The following ERCC6L2 variants were observed in gnomAD, a reference collection of about 807,000 sequenced individuals.
The protein encoded by ERCC6L2 is DNA excision repair protein ERCC-6-like 2.
A neutral mutation model predicts 132.0 loss-of-function variants in ERCC6L2; 77 were observed. The ratio of observed to expected loss-of-function variants is 0.58; its 90% confidence interval spans 0.49 to 0.71. ERCC6L2 has a LOEUF of 0.71. Among genes scored for constraint, ERCC6L2 ranks in the 30% least tolerant of loss-of-function variants. The probability of loss-of-function intolerance (pLI) is 0.00; values close to 1 mark genes in which losing one functional copy is unlikely to be tolerated. For missense variants in ERCC6L2, 1,542 were observed against 1,837.6 expected, an observed-to-expected ratio of 0.84 and a Z score of 2.94; for synonymous variants, 583 against 632.4, an observed-to-expected ratio of 0.92 and a Z score of 1.17.
intron 19 of ERCC6L2, among the ~76,000 whole-genome samples, chr9:96,030,314 C>G (rs1390373482): frequency 6.6e-6 from 1 of 152,120 alleles, no homozygotes; most frequent in African/African-American, 2.4e-5. Flanking sequence ...CAGCCAGCAG[C>G]GGCAACACGC....
intron 4 of ERCC6L2, among the ~76,000 whole-genome samples, chr9:95,909,987 G>C (rs140933427): frequency 2.7e-4 from 41 of 152,292 alleles, no homozygotes; most frequent in African/African-American, 9.4e-4. Context: ...ATGTGTAGTA[G>C]TATCTTGTAG....
chr9:96,034,534 T>A (rs1220041370), intron 19 of ERCC6L2, among the ~76,000 whole-genome samples: 5 of 152,200 alleles, frequency 3.3e-5, no homozygotes, highest in African/African-American at 9.7e-5. Flanking sequence ...GAAAGCTTCC[T>A]GGGAGAGGCG....
Position 95,924,200 on chromosome 9 carries a change from G to GT in ERCC6L2, c.1533+831dup, listed in dbSNP as rs929788787. On this transcript the variant is annotated intron_variant, in intron 9 of 18. Transcript: ENST00000653738. ...AAGGAAGTAGTTCAAAGCAGTTTTT[G>GT]TTTTTTTTTTATAGAAATACTTTTA... is the stretch of plus-strand genomic sequence containing the variant. Among the ~76,000 whole-genome samples, 134 of 140,756 alleles carry GT rather than the reference G, an allele frequency of 9.5e-4. 1 individual carries two copies. Among genetic ancestry groups the GT allele is most frequent in the African/African-American group, 1.4e-3 (55 of 39,400 alleles). The allele number at this position is 140,756 out of a possible 152,430, so 92.3% of individuals were successfully genotyped here.
At chr9:95,957,071 G>A (rs1197094442) in intron 13 of ERCC6L2, among the ~76,000 whole-genome samples, 1 of 152,124 alleles carries the variant, frequency 6.6e-6, no homozygotes, top group Non-Finnish European at 1.5e-5. Context: ...GGTACTTTTA[G>A]TATTCGTCCG....
chr9:96,032,530 C>T lies in ERCC6L2; in HGVS notation c.*1504-6346C>T, dbSNP rs10117340. ...TCCCACCACACACCTCCCTGGCGCA[C>T]CTGCTTCTTGGGTGTTCATTCAGAC... On this transcript the variant is annotated intron_variant and NMD_transcript_variant, in intron 19 of 20. Coordinates refer to the ERCC6L2 transcript ENST00000670016. 6.6e-5 allele frequency among the ~76,000 whole-genome samples: 10 copies of T among 152,154 alleles called. No individual in the cohort carries two copies. The East Asian group carries it at 1.9e-3, about 29-fold the overall frequency.
downstream of ERCC6L2, chr9:96,020,164 A>G (rs1834259763): frequency 6.4e-6 from 1 of 155,090 alleles, no homozygotes; most frequent in Admixed American, 6.2e-5. Flanking sequence ...CCTGAGTGAC[A>G]GAGTGATACT....
chr9:95,935,537 A>G (rs2132840696), intron 11 of ERCC6L2, among the ~76,000 whole-genome samples: 1 of 152,326 alleles, frequency 6.6e-6, no homozygotes, highest in Admixed American at 6.5e-5. Flanking sequence ...GTAAAAGGAT[A>G]GTTCAATACA....
At chr9:95,911,534 A>G (rs1829339725) in intron 4 of ERCC6L2, among the ~76,000 whole-genome samples, 1 of 152,080 alleles carries the variant, frequency 6.6e-6, no homozygotes, top group Non-Finnish European at 1.5e-5. Context: ...TTATGATTTT[A>G]TATTTATTTA....
At chr9:95,914,909 T>A (rs1829509417) in intron 4 of ERCC6L2, among the ~76,000 whole-genome samples, 1 of 152,142 alleles carries the variant, frequency 6.6e-6, no homozygotes, top group African/African-American at 2.4e-5. Context: ...CATATTTAGG[T>A]CTGTGATCTG....
At chr9:96,034,812 C>T (rs1325197888) in intron 19 of ERCC6L2, among the ~76,000 whole-genome samples, 1 of 152,062 alleles carries the variant, frequency 6.6e-6, no homozygotes, top group Non-Finnish European at 1.5e-5. Context: ...GGACCCGAGC[C>T]TCTCTGTGCT....
chr9:96,019,331 A>G (rs1161752853), downstream of ERCC6L2, among the ~76,000 whole-genome samples: 1 of 152,164 alleles, frequency 6.6e-6, no homozygotes, highest in Non-Finnish European at 1.5e-5. Flanking sequence ...GCACCATATG[A>G]GAAGCCCCCA....
Position 95,921,211 on chromosome 9 carries a change from G to C in ERCC6L2, c.1195G>C (p.Val399Leu), listed in dbSNP as rs142685145. 15 of 1,612,994 alleles carry C rather than the reference G, an allele frequency of 9.3e-6. No homozygotes were observed. The East Asian group carries it at 2.5e-4, about 26-fold the overall frequency. ...TTCTTTGACAGATTTCCAGAAAGCT[G>C]TCTATCAAACAGTGTTAGAAACAGA... ...YCSLTDFQKA[V>L]YQTVLETEDV... is the part of the protein sequence containing the mutation. The change falls in exon 7 of 19, where the codon GTC (valine) becomes CTC (leucine). Residue 399 changes from valine to leucine, a missense_variant. Physicochemically the swap from Val to Leu is conservative, Grantham distance 32 (BLOSUM62 1). Transcript: ENST00000653738.
chr9:95,909,971 T>C (rs1272624133), intron 4 of ERCC6L2, among the ~76,000 whole-genome samples: 5 of 152,222 alleles, frequency 3.3e-5, no homozygotes, highest in Non-Finnish European at 7.3e-5. Flanking sequence ...TTAGCTGTTT[T>C]AGTAGATGTG....
chr9:95,987,006 C>A (rs1007136802), intron 17 of ERCC6L2, among the ~76,000 whole-genome samples: 13 of 152,176 alleles, frequency 8.5e-5, no homozygotes, highest in Admixed American at 5.9e-4. Context: ...AAAGGAGCAA[C>A]CCCTTATTAA....
intron 12 of ERCC6L2, among the ~76,000 whole-genome samples, chr9:95,946,031 G>C (rs1831047146): frequency 6.6e-6 from 1 of 152,028 alleles, no homozygotes; most frequent in African/African-American, 2.4e-5. Context: ...CAGGGAGATG[G>C]TAACAAAAAT....
At chr9:95,958,436 C>A (rs1831727135) in intron 13 of ERCC6L2, among the ~76,000 whole-genome samples, 1 of 152,136 alleles carries the variant, frequency 6.6e-6, no homozygotes, top group Admixed American at 6.5e-5. Flanking sequence ...GCCACACTGA[C>A]TTCCACAATG....
chr9:95,945,516 A>G (rs1301300493), intron 12 of ERCC6L2, among the ~76,000 whole-genome samples: 1 of 152,256 alleles, frequency 6.6e-6, no homozygotes, highest in Non-Finnish European at 1.5e-5. Flanking sequence ...AAACAGGCAT[A>G]GGAAATCACA....
chr9:95,997,356 G>T (rs1306047680), intron 17 of ERCC6L2, among the ~76,000 whole-genome samples: 1 of 152,206 alleles, frequency 6.6e-6, no homozygotes, highest in African/African-American at 2.4e-5. Flanking sequence ...ACTAGAATTA[G>T]AAATGGAGCC....
chr9:96,020,542 G>A (rs1248287157), downstream of ERCC6L2: 1 of 353,922 alleles, frequency 2.8e-6, no homozygotes, highest in African/African-American at 2.1e-5. Context: ...AGACCCCTTA[G>A]GGCACAGCCA....
Sources: gnomAD v4.1 joint callset for allele counts (sites outside exome capture counted in the v4.1 genomes callset) on GRCh38, gnomAD v4.1.1 for gene constraint, MANE v1.5 for transcripts, NCBI Gene and HGNC (gene_info 2026-07-23, HGNC 2026-07-21) for gene names.